PUM3: variants seen among roughly 807,000 people sequenced by gnomAD.
PUM3 encodes pumilio homolog 3.
In PUM3, 91 loss-of-function variants were observed where a neutral mutation model predicts 84.0. The observed-to-expected ratio is 1.08, with a 90% CI of 0.91 to 1.29. PUM3 has a LOEUF of 1.29. Among genes scored for constraint, PUM3 ranks in the 50% most tolerant of loss-of-function variants. PUM3 has a pLI of 0.00. For synonymous variants in PUM3, 321 were observed against 266.7 expected (o/e 1.20, Z -1.98); for missense variants, 1,067 against 767.5 (o/e 1.39, Z -4.61).
intron 16 of PUM3, among the ~76,000 whole-genome samples, chr9:2,809,797 G>A (rs543519809): frequency 6.6e-6 from 1 of 152,310 alleles, no homozygotes; most frequent in South Asian, 2.1e-4. Context: ...CTACAGAGCA[G>A]CTGTAAGGCT....
intron 13 of PUM3, among the ~76,000 whole-genome samples, chr9:2,813,416 T>G (rs1056636482): frequency 5.3e-5 from 8 of 152,224 alleles, no homozygotes; most frequent in African/African-American, 1.9e-4. Flanking sequence ...GCACCCCATA[T>G]TCTTCAGAAC....
At chr9:2,811,275 C>T in intron 15 of PUM3, 86 bp downstream of exon 15, 1 of 1,073,340 alleles carries the variant, frequency 9.3e-7, no homozygotes, top group Non-Finnish European at 1.4e-6. Context: ...CCCTCCCCAG[C>T]TTTCTTACTG....
chr9:2,827,294 T>A (rs1462697080), intron 9 of PUM3, 143 bp from the exon 10 acceptor site: 9 of 582,878 alleles, frequency 1.5e-5, no homozygotes, highest in Non-Finnish European at 2.6e-5. Context: ...TAGACTGTAT[T>A]TTTCAGAAAT....
At chr9:2,836,194 T>G (rs962374137) in intron 3 of PUM3, among the ~76,000 whole-genome samples, 2 of 152,070 alleles carry the variant, frequency 1.3e-5, no homozygotes, top group African/African-American at 4.8e-5. Context: ...AAGCAGCCCT[T>G]AGGCAGGGTA....
At chr9:2,839,650 T>A (rs1369281865) in intron 1 of PUM3, among the ~76,000 whole-genome samples, 1 of 152,202 alleles carries the variant, frequency 6.6e-6, no homozygotes, top group East Asian at 1.9e-4. Context: ...AATCTAGACT[T>A]TTCTAATGAT....
intron 1 of PUM3, among the ~76,000 whole-genome samples, chr9:2,843,821 G>A (rs1377831530): frequency 6.6e-6 from 1 of 151,824 alleles, no homozygotes; most frequent in Non-Finnish European, 1.5e-5. Flanking sequence ...CTTGTGATCC[G>A]CCCGCCTCGG....
At chr9:2,817,378 G>C (rs1028501187) in intron 13 of PUM3, among the ~76,000 whole-genome samples, 3 of 151,880 alleles carry the variant, frequency 2.0e-5, no homozygotes, top group Non-Finnish European at 4.4e-5. Context: ...CATTTCAAAA[G>C]GGTTTTAAAA....
chr9:2,834,327 C>T (rs1217749848), intron 3 of PUM3, among the ~76,000 whole-genome samples, 161 bp from the exon 4 acceptor site: 2 of 152,146 alleles, frequency 1.3e-5, no homozygotes, highest in Non-Finnish European at 2.9e-5. Flanking sequence ...ACTTTGCTTT[C>T]TGAGCAGTTT....
rs754075879 is a variant in PUM3, at chr9:2,811,355, C to G, written c.1635+6G>C. Reference sequence around the variant, plus strand: ...CTTTCCTGCCTGTGCTTTAATGGCACATTACCTCTCCGTCCTTGCCACCAG... The same window carrying G: ...CTTTCCTGCCTGTGCTTTAATGGCAGATTACCTCTCCGTCCTTGCCACCAG... On this transcript the variant is annotated splice_donor_region_variant and intron_variant, in intron 15 of 17. Coordinates refer to ENST00000397885, the MANE Select transcript of PUM3 (RefSeq NM_014878.5). 6.2e-6 allele frequency: 10 copies of G among 1,613,474 alleles called. No homozygotes were observed. In the East Asian group the frequency reaches 2.2e-4, roughly 36 times the overall value.
chr9:2,814,633 G>C (rs905145807), intron 13 of PUM3, among the ~76,000 whole-genome samples: 2 of 152,118 alleles, frequency 1.3e-5, no homozygotes, highest in African/African-American at 4.8e-5. Context: ...GAGGACAAAT[G>C]CTTTGTTATA....
chr9:2,829,711 G>A (rs901229798), intron 8 of PUM3, 63 bp downstream of exon 8: 30 of 1,392,712 alleles, frequency 2.2e-5, no homozygotes, highest in Admixed American at 1.4e-4. Context: ...ATAGGGCACC[G>A]GAAGTTAAGG....
intron 10 of PUM3, 143 bp from the exon 11 acceptor site, chr9:2,824,958 C>T (rs878915447): frequency 4.4e-6 from 2 of 452,134 alleles, no homozygotes; most frequent in Admixed American, 8.2e-5. Flanking sequence ...ATTTTGTAGA[C>T]AATCAAACAG....
intron 7 of PUM3, 59 bp downstream of exon 7, chr9:2,830,903 T>C (rs779291186): frequency 2.3e-6 from 2 of 872,118 alleles, no homozygotes; most frequent in Non-Finnish European, 1.9e-6. Context: ...TGAGCACAGT[T>C]GGAAACCATG....
At chr9:2,833,821 T>C (rs1816049300) in intron 4 of PUM3, among the ~76,000 whole-genome samples, 1 of 152,248 alleles carries the variant, frequency 6.6e-6, no homozygotes, top group Admixed American at 6.5e-5. Context: ...TACATTTTCA[T>C]AAGCATATCC....
intron 14 of PUM3, 78 bp downstream of exon 14, chr9:2,812,142 T>G (rs1586717904): frequency 8.1e-6 from 10 of 1,227,238 alleles, no homozygotes; most frequent in Non-Finnish European, 1.2e-6. Flanking sequence ...TATGGATGGG[T>G]AAGTGGACTT....
At chr9:2,805,409 C>G (rs58522175) in intron 17 of PUM3, among the ~76,000 whole-genome samples, 6,791 of 152,102 alleles carry the variant, frequency 0.045, 173 homozygotes, top group East Asian at 0.07. Flanking sequence ...TTTTCGGGAC[C>G]CTTTGTAAAT....
In PUM3 at chr9:2,812,544, C is replaced by A. The variant is rs1480673005; in HGVS notation, c.1270-182G>T. 2.6e-5 allele frequency among the ~76,000 whole-genome samples: 4 copies of A among 152,040 alleles called. No individual in the cohort carries two copies. In the South Asian group the frequency reaches 8.3e-4, roughly 32 times the overall value. On this transcript the variant is annotated intron_variant, in intron 13 of 17. Transcript: ENST00000397885. The stretch of plus-strand genomic sequence containing the variant: ...TGTCCTATAAAATTATAAACAACAA[C>A]AAAAAAATGAATTGATATCTACATT...
chr9:2,841,653 T>C (rs994071597), intron 1 of PUM3, among the ~76,000 whole-genome samples: 1 of 151,746 alleles, frequency 6.6e-6, no homozygotes, highest in East Asian at 1.9e-4. Flanking sequence ...TCTTAAGTTT[T>C]ACTTGCTAAC....
At chr9:2,840,396 G>C (rs890256821) in intron 1 of PUM3, among the ~76,000 whole-genome samples, 1 of 152,146 alleles carries the variant, frequency 6.6e-6, no homozygotes, top group Non-Finnish European at 1.5e-5. Context: ...AAACATTTTA[G>C]ACAAGATGTT....
Sources: gnomAD v4.1 joint callset for allele counts (sites outside exome capture counted in the v4.1 genomes callset) on GRCh38, gnomAD v4.1.1 for gene constraint, MANE v1.5 for transcripts, NCBI Gene and HGNC (gene_info 2026-07-23, HGNC 2026-07-21) for gene names.